The following TEX9 variants were observed in gnomAD, a reference collection of about 807,000 sequenced individuals.
TEX9 encodes testis expressed 9, also known as testis-expressed protein 9.
A neutral mutation model predicts 59.6 loss-of-function variants in TEX9; 74 were observed. The ratio of observed to expected loss-of-function variants is 1.24; its 90% CI spans 1.03 to 1.51. The LOEUF is 1.51. Among genes scored for constraint, TEX9 ranks in the 40% most tolerant of loss-of-function variants. The probability of loss-of-function intolerance (pLI) is 0.00; values close to 1 mark genes in which losing one functional copy is unlikely to be tolerated. For synonymous variants in TEX9, 186 were observed against 152.2 expected, an observed-to-expected ratio of 1.22 and a Z score of -1.64; for missense variants, 522 against 447.8, an observed-to-expected ratio of 1.17 and a Z score of -1.49.
chr15:56,444,626 T>A, intron 12 of TEX9: 1 of 1,613,332 alleles, frequency 6.2e-7, no homozygotes, highest in Non-Finnish European at 8.5e-7. Flanking sequence ...CCTTTATTAT[T>A]CTCTTGTGTT....
chr15:56,252,317 A>G (rs530472323), intron 1 of TEX9, among the ~76,000 whole-genome samples: 1 of 151,354 alleles, frequency 6.6e-6, no homozygotes, highest in Admixed American at 6.6e-5. Flanking sequence ...AACATATACT[A>G]TAGTCACTCC....
chr15:56,339,412 A>AAAAAAAAAAAAAAAG (rs2046330651), intron 1 of TEX9, among the ~76,000 whole-genome samples: 1 of 149,920 alleles, frequency 6.7e-6, no homozygotes. Context: ...AAAAAAAAAA[A>AAAAAAAAAAAAAAAG]AACAGGAGAA....
intron 1 of TEX9, among the ~76,000 whole-genome samples, chr15:56,337,544 A>G (rs1266959733): frequency 6.6e-6 from 1 of 152,176 alleles, no homozygotes; most frequent in African/African-American, 2.4e-5. Context: ...AGCCTTTTTC[A>G]TTGCCATATT....
In TEX9 at chr15:56,384,004, G is replaced by A. The variant is rs753743634; in HGVS notation, c.236G>A (p.Cys79Tyr). ...CCTGTTTCAACACAAATGAAATCAT[G>A]TGATGACGAAGATGATTACAGTTTA... Residue 79 changes from cysteine to tyrosine, a missense_variant, in exon 4 of 13, where the codon TGT becomes TAT. Cys to Tyr is a radical substitution (Grantham distance 194). Coordinates refer to ENST00000352903, the Ensembl canonical transcript of TEX9. 1.5e-5 allele frequency: 24 copies of A among 1,612,760 alleles called. No homozygotes were observed. Among genetic ancestry groups the A allele is most frequent in the East Asian group, 2.2e-5 (1 of 44,766 alleles).
intron 1 of TEX9, among the ~76,000 whole-genome samples, chr15:56,298,186 C>T (rs1237571044): frequency 6.6e-6 from 1 of 152,086 alleles, no homozygotes; most frequent in African/African-American, 2.4e-5. Flanking sequence ...ACAGTACCAC[C>T]CTGTTTTCAT....
intron 1 of TEX9, chr15:56,323,543 A>G (rs1353882968): frequency 1.0e-5 from 2 of 193,792 alleles, no homozygotes; most frequent in East Asian, 1.6e-4. Context: ...TGAAGCTGAA[A>G]GAAAAATGTG....
rs148541930 is a variant in TEX9 at position 56,399,844 on chromosome 15, G to A, written c.828+5010G>A. 2.7e-3 allele frequency among the ~76,000 whole-genome samples: 415 copies of A among 152,256 alleles called. 4 individuals are homozygous for A. Among genetic ancestry groups the A allele is most frequent in the African/African-American group, 9.4e-3 (392 of 41,536 alleles). ...CCGTGGGTGATACCCAGGCAAACAG[G>A]GTGTGGAGTGGACCTCCAGCAAACT... On this transcript the variant is annotated intron_variant, in intron 9 of 12. Coordinates refer to ENST00000352903, the Ensembl canonical transcript of TEX9.
intron 5 of TEX9, 26 bp from the exon 6 acceptor site, chr15:56,389,292 C>CA: frequency 6.4e-7 from 1 of 1,569,898 alleles, no homozygotes; most frequent in Non-Finnish European, 8.8e-7. Context: ...TCTAATTAGT[C>CA]AATACTTTCA....
chr15:56,342,078 G>A (rs774012633), intron 1 of TEX9, among the ~76,000 whole-genome samples: 2 of 151,894 alleles, frequency 1.3e-5, no homozygotes, highest in African/African-American at 2.4e-5. Flanking sequence ...CCTAGGGTCT[G>A]GAATTTGAAA....
chr15:56,257,184 A>G lies in TEX9; in HGVS notation c.-107+12906A>G, dbSNP rs544978686. On this transcript the variant is annotated intron_variant, in intron 1 of 5. Coordinates refer to the TEX9 transcript ENST00000560827. ...GTACTACATTTTCTTTACCCAGTCT[A>G]TCATTGATGGGCATCTAGTTGATTC... is the stretch of plus-strand genomic sequence containing the variant. 2.1e-4 allele frequency among the ~76,000 whole-genome samples: 32 copies of G among 152,210 alleles called. No individual in the cohort carries two copies. The East Asian group carries it at 6.2e-3, about 29-fold the overall frequency.
intron 12 of TEX9, among the ~76,000 whole-genome samples, chr15:56,440,526 T>G (rs795792): frequency 1 from 152,140 of 152,286 alleles, 75,997 homozygotes; most frequent in Non-Finnish European, 1. Flanking sequence ...AATGTTTACA[T>G]CAGATTTACT....
chr15:56,349,710 T>G (rs901012387), intron 1 of TEX9, among the ~76,000 whole-genome samples: 1 of 152,096 alleles, frequency 6.6e-6, no homozygotes, highest in Non-Finnish European at 1.5e-5. Flanking sequence ...CACACGTGTA[T>G]ATGTATATAA....
chr15:56,405,475 A>C (rs1377504341), intron 9 of TEX9, among the ~76,000 whole-genome samples: 1 of 152,176 alleles, frequency 6.6e-6, no homozygotes, highest in Non-Finnish European at 1.5e-5. Context: ...AATGAACGTA[A>C]GTACCATCTA....
chr15:56,349,059 A>G (rs1295361749), intron 1 of TEX9, among the ~76,000 whole-genome samples: 1 of 152,084 alleles, frequency 6.6e-6, no homozygotes, highest in Non-Finnish European at 1.5e-5. Context: ...ATGAGTAGTT[A>G]TAATAACTGC....
intron 1 of TEX9, among the ~76,000 whole-genome samples, chr15:56,335,073 C>T (rs1174913078): frequency 6.6e-6 from 1 of 152,074 alleles, no homozygotes; most frequent in South Asian, 2.1e-4. Context: ...TTAGTACAAC[C>T]ACTATGCAGA....
At chr15:56,349,538 T>G (rs1352871334) in intron 1 of TEX9, among the ~76,000 whole-genome samples, 1 of 152,156 alleles carries the variant, frequency 6.6e-6, no homozygotes, top group African/African-American at 2.4e-5. Context: ...AACCCTCTGT[T>G]GTACCAAATG....
chr15:56,346,272 G>GT (rs1324906649), intron 1 of TEX9, among the ~76,000 whole-genome samples: 2 of 152,144 alleles, frequency 1.3e-5, no homozygotes, highest in African/African-American at 4.8e-5. Context: ...GTGAGCTCAA[G>GT]TATGATTTGG....
rs78321827 is a variant in TEX9 at position 56,411,059 on chromosome 15, G to A, written c.829-1243G>A. On this transcript the variant is annotated intron_variant, in intron 9 of 12. Coordinates refer to ENST00000352903, the Ensembl canonical transcript of TEX9. The stretch of plus-strand genomic sequence containing the variant: ...TAAATAAAATGTAGTGATATAGCCA[G>A]GAAAAAATTATAAAAGAATATAGAC... Among the ~76,000 whole-genome samples, 382 of 152,156 alleles carry A rather than the reference G, an allele frequency of 2.5e-3. 1 individual carries two copies. Among genetic ancestry groups the A allele is most frequent in the Middle Eastern group, 0.01 (3 of 294 alleles).
chr15:56,448,416 G>A (rs1317470935), downstream of TEX9, among the ~76,000 whole-genome samples: 1 of 152,128 alleles, frequency 6.6e-6, no homozygotes, highest in Non-Finnish European at 1.5e-5. Flanking sequence ...AGTTCACAGT[G>A]TCTGTTGTTC....
Sources: gnomAD v4.1 joint callset for allele counts (sites outside exome capture counted in the v4.1 genomes callset) on GRCh38, gnomAD v4.1.1 for gene constraint, MANE v1.5 for transcripts, NCBI Gene and HGNC (gene_info 2026-07-23, HGNC 2026-07-21) for gene names.